EP400: variants seen among roughly 807,000 people sequenced by gnomAD.
The protein encoded by EP400 is E1A-binding protein p400.
A neutral mutation model predicts 354.1 loss-of-function variants in EP400; 105 were observed. The observed-to-expected ratio is 0.30, with a 90% CI of 0.25 to 0.35. The LOEUF (loss-of-function observed/expected upper bound fraction) is 0.35, where lower values mean the gene tolerates loss of function less well. Among genes scored for constraint, EP400 ranks in the 10% least tolerant of loss-of-function variants. The pLI is 1.00. For synonymous variants in EP400, 1,646 were observed against 1,716.9 expected (o/e 0.96, Z 1.02); for missense variants, 3,280 against 4,121.0 (o/e 0.80, Z 5.59).
At chr12:131,951,065 ATTTTTTTTT>A (rs750396319) in intron 1 of EP400, among the ~76,000 whole-genome samples, 151 of 104,174 alleles carry the variant, frequency 1.4e-3, no homozygotes, top group Admixed American at 2.0e-3. Flanking sequence ...ACGCCTGGCT[ATTTTTTTTT>A]TTTTTTTTTT....
rs142706183 is a variant in EP400 at position 132,077,427 on chromosome 12, G to A, written c.9126G>A (p.Thr3042=). ...CTTCTCCACAGACTGTGGCGCTCAC[G>A]CAGGCGACGGCGGCCGGGCAGCAGG... ...QQASPQTVAL[T]QATAAGQQVQ... is the part of the protein sequence containing the mutation. The change falls in exon 53 of 53, where the codon ACG becomes ACA. Residue 3042 remains threonine (T), a synonymous_variant. Transcript: ENST00000389561. 3,324 of 1,612,440 alleles carry A rather than the reference G, an allele frequency of 2.1e-3. 7 individuals carry two copies. Among genetic ancestry groups the A allele is most frequent in the Non-Finnish European group, 2.1e-3 (2,476 of 1,179,780 alleles).
At chr12:131,973,765 G>C (rs918538121) in intron 2 of EP400, among the ~76,000 whole-genome samples, 1 of 152,158 alleles carries the variant, frequency 6.6e-6, no homozygotes, top group Non-Finnish European at 1.5e-5. Context: ...TCAGCATTGC[G>C]TGTATTTCTC....
At position 132,078,787 on chromosome 12, in the gene EP400, G is replaced by A. The variant is rs767483479; in HGVS notation, c.*1114G>A. On this transcript the variant is annotated 3_prime_UTR_variant, in exon 53 of 53. Transcript: ENST00000389561. ...GATAAGCTTGTGTGGTTCTGCCAGT[G>A]AAGCAGAGAACCACCTGTGCTGTTG... 5.9e-5 allele frequency: 9 copies of A among 152,274 alleles called. No individual in the cohort carries two copies. The highest frequency in any genetic ancestry group is 1.0e-4 in the Non-Finnish European group (7 of 68,050). The allele number at this position is 152,274 out of a possible 1,614,324, so 9.4% of individuals were successfully genotyped here. A position where few individuals can be genotyped will look rare whatever the true frequency, so the allele number is the denominator to read the frequency against.
rs1473725715 is a variant in EP400, at chr12:131,994,074, C to T, written c.2738-793C>T. On this transcript the variant is annotated intron_variant, in intron 11 of 52. Coordinates refer to ENST00000389561, the MANE Select transcript of EP400 (RefSeq NM_015409.5). The surrounding 1 kb of genome is among the most constrained non-coding windows in gnomAD (Gnocchi z 4.6). ...AAGAGGAGGGGATGGCCAGGCCTGT[C>T]GTGAGCCACCAGGGTGTCGAGTACA... 6.6e-6 allele frequency among the ~76,000 whole-genome samples: 1 copy of T among 151,956 alleles called. No homozygotes were observed. Among genetic ancestry groups the T allele is most frequent in the Non-Finnish European group, 1.5e-5 (1 of 68,016 alleles).
intron 23 of EP400, among the ~76,000 whole-genome samples, chr12:132,021,689 G>A (rs996357971): frequency 6.6e-6 from 1 of 152,238 alleles, no homozygotes; most frequent in African/African-American, 2.4e-5. Flanking sequence ...TAGAGTGACA[G>A]CGACTGCATT....
chr12:131,998,690 A>C (rs1358182769), intron 12 of EP400, among the ~76,000 whole-genome samples: 2 of 121,886 alleles, frequency 1.6e-5, no homozygotes, highest in Admixed American at 1.6e-4. Flanking sequence ...GTATACAAAG[A>C]CTTTGTATAC....
At chr12:131,953,807 A>G (rs1891600353) in intron 1 of EP400, among the ~76,000 whole-genome samples, 1 of 152,172 alleles carries the variant, frequency 6.6e-6, no homozygotes, top group Non-Finnish European at 1.5e-5. Context: ...AAAGATACAC[A>G]GAGATTGAAA....
intron 45 of EP400, among the ~76,000 whole-genome samples, chr12:132,059,696 G>T (rs929135579): frequency 1.3e-5 from 2 of 152,184 alleles, no homozygotes; most frequent in Non-Finnish European, 2.9e-5. Flanking sequence ...TGCGATATTG[G>T]GATTATCAGG....
chr12:132,020,757 G>A (rs1894097497), intron 22 of EP400, among the ~76,000 whole-genome samples: 1 of 152,190 alleles, frequency 6.6e-6, no homozygotes, highest in Admixed American at 6.5e-5. Context: ...AAGCTCTGTT[G>A]ATGTTTTCTT....
rs1383330462 is a variant in EP400, at chr12:132,025,853, CT to C, written c.5014+51del. Reference sequence around the variant, plus strand: ...AGACTTGGCTTGGATGCTTCTTTCTCTTCCATCTAAGGCGAGTGGAAAGCAT... The same window carrying C: ...AGACTTGGCTTGGATGCTTCTTTCTCTCCATCTAAGGCGAGTGGAAAGCAT... On this transcript the variant is annotated intron_variant, in intron 25 of 52. Coordinates refer to ENST00000389561, the MANE Select transcript of EP400 (RefSeq NM_015409.5). The surrounding 1 kb of genome is among the most constrained non-coding windows in gnomAD (Gnocchi z 4.1). The C allele has an allele frequency of 6.6e-7, 1 of 1,520,460 alleles. No individual in the cohort carries two copies. Among genetic ancestry groups the C allele is most frequent in the African/African-American group, 1.4e-5 (1 of 72,354 alleles). 94.2% of individuals were successfully genotyped at this position (1,520,460 alleles called of 1,614,324 possible).
intron 51 of EP400, among the ~76,000 whole-genome samples, chr12:132,069,896 C>G (rs1295122962): frequency 6.6e-6 from 1 of 152,212 alleles, no homozygotes; most frequent in East Asian, 1.9e-4. Context: ...CTGTGGGGTA[C>G]AGCTGCCCTC....
rs1555223312 is a variant in EP400, at chr12:132,062,593, A to AACAG, written c.8226_8227insACAG (p.Gln2743ThrfsTer241). The AACAG allele has an allele frequency of 1.7e-5, 21 of 1,212,788 alleles. No homozygotes were observed. The highest frequency in any genetic ancestry group is 1.8e-5 in the Non-Finnish European group (15 of 853,382). 75.1% of individuals were successfully genotyped at this position (1,212,788 alleles called of 1,614,324 possible). A position where few individuals can be genotyped will look rare whatever the true frequency, so the allele number is the denominator to read the frequency against. On this transcript the variant is annotated frameshift_variant, in exon 47 of 53. Transcript: ENST00000389561. LOFTEE classifies it high-confidence loss of function. The stretch of plus-strand genomic sequence containing the variant: ...AGCAGCAGCAGCAGCAGCAGCAGCA[A>AACAG]CAGCAGCAGCAGCAACAGACGACGA...
rs1403745749 is a variant in EP400, at chr12:132,017,315, C to T, written c.3924-220C>T. On this transcript the variant is annotated intron_variant, in intron 19 of 52. Coordinates refer to ENST00000389561, the MANE Select transcript of EP400 (RefSeq NM_015409.5). The surrounding 1 kb of genome is among the most constrained non-coding windows in gnomAD (Gnocchi z 5.0). ...TGGAGTGGCTGTCTTTCCGTCAGCT[C>T]TGGTGGGGCGGATGTCATTCTCAAT... 2.6e-5 allele frequency among the ~76,000 whole-genome samples: 4 copies of T among 152,166 alleles called. No homozygotes were observed. The highest frequency in any genetic ancestry group is 5.9e-5 in the Non-Finnish European group (4 of 68,032).
rs769192888 is a variant in EP400, at chr12:132,045,360, G to A, written c.6826G>A (p.Val2276Ile). The A allele has an allele frequency of 6.4e-5, 104 of 1,614,236 alleles. 4 individuals carry two copies. The South Asian group carries it at 7.9e-4, about 12-fold the overall frequency. ...GAAGCAGCGTCACGGGGAGGCGGTC[G>A]TCCCTCCTCGGTCCCTGTTTGACCG... ...KKKQRHGEAVVPPRSLFDRAT... is the reference protein window; with the variant it reads ...KKKQRHGEAVIPPRSLFDRAT... The change falls in exon 38 of 53, where the codon GTC becomes ATC. Residue 2276 changes from valine (V) to isoleucine (I), a missense_variant. Coordinates refer to ENST00000389561, the MANE Select transcript of EP400 (RefSeq NM_015409.5).
rs1266029103 is a variant in EP400 at position 132,077,892 on chromosome 12, A to G, written c.*219A>G. Reference sequence around the variant, plus strand: ...GTTCTCTGTACTACGTGGCTCATGGAAAAAGTGACAACATGGCTTCCTCTA... The same window carrying G: ...GTTCTCTGTACTACGTGGCTCATGGGAAAAGTGACAACATGGCTTCCTCTA... On this transcript the variant is annotated 3_prime_UTR_variant, in exon 53 of 53. Coordinates refer to ENST00000389561, the MANE Select transcript of EP400 (RefSeq NM_015409.5). The G allele has an allele frequency of 1.2e-5, 7 of 605,116 alleles. No homozygotes were observed. The highest frequency in any genetic ancestry group is 6.8e-5 in the Admixed American group (2 of 29,216). 37.5% of individuals were successfully genotyped at this position (605,116 alleles called of 1,614,324 possible).
intron 2 of EP400, among the ~76,000 whole-genome samples, chr12:131,963,983 C>T (rs1891988428): frequency 6.6e-6 from 1 of 151,820 alleles, no homozygotes; most frequent in African/African-American, 2.4e-5. Flanking sequence ...ATTTTGAGAA[C>T]AGTGCAAAAC....
Position 132,070,421 on chromosome 12 carries a change from G to A in EP400, c.9021+780G>A, listed in dbSNP as rs577498385. On this transcript the variant is annotated intron_variant, in intron 51 of 52. Transcript: ENST00000389561. The surrounding 1 kb of genome is among the most constrained non-coding windows in gnomAD (Gnocchi z 4.1). ...CCTCCACCTGAGATCCTGTGGGGAA[G>A]TTCAGGGCTTCTTGTCTCAGAGGCC... is the stretch of plus-strand genomic sequence containing the variant. Among the ~76,000 whole-genome samples, 1 of 152,360 alleles carries A rather than the reference G, an allele frequency of 6.6e-6. No individual in the cohort carries two copies. The highest frequency in any genetic ancestry group is 6.5e-5 in the Admixed American group (1 of 15,314).
chr12:132,043,575 G>T (rs1415341844), intron 33 of EP400, 70 bp from the exon 34 acceptor site: 4 of 1,577,970 alleles, frequency 2.5e-6, no homozygotes, highest in Admixed American at 3.7e-5. Context: ...TTGGTTAGTG[G>T]ATTGTATAAG....
At chr12:131,959,136 ACT>A (rs1891795939) in intron 1 of EP400, among the ~76,000 whole-genome samples, 1 of 152,192 alleles carries the variant, frequency 6.6e-6, no homozygotes, top group Non-Finnish European at 1.5e-5. Flanking sequence ...TCAGTGCTAA[ACT>A]GTGCCACCAA....
Sources: allele counts gnomAD v4.1 joint callset (sites outside exome capture counted in the v4.1 genomes callset), GRCh38; gene constraint gnomAD v4.1.1; non-coding constraint Gnocchi (gnomAD v3.1); transcripts MANE v1.5; gene names NCBI Gene and HGNC (gene_info 2026-07-23, HGNC 2026-07-21).